Variants in MROH2A observed in about 807,000 individuals in gnomAD.
The protein encoded by MROH2A is maestro heat-like repeat-containing protein family member 2A.
A neutral mutation model predicts 200.4 loss-of-function variants in MROH2A; 174 were observed. That is an observed-to-expected ratio of 0.87 (90% CI 0.77 to 0.98). MROH2A has a LOEUF of 0.98. MROH2A is among the 50% of genes least tolerant of loss of function. MROH2A has a pLI of 0.00. For synonymous variants in MROH2A, 829 were observed against 840.4 expected, an observed-to-expected ratio of 0.99 and a Z score of 0.23; for missense variants, 2,045 against 2,139.6, an observed-to-expected ratio of 0.96 and a Z score of 0.87.
intron 24 of MROH2A, among the ~76,000 whole-genome samples, chr2:233,813,457 G>A (rs1703308920): frequency 6.6e-6 from 1 of 152,230 alleles, no homozygotes; most frequent in African/African-American, 2.4e-5. Flanking sequence ...TTGGACCCCT[G>A]CATCTCCCCT....
At chr2:233,790,427 T>C in intron 5 of MROH2A, among the ~76,000 whole-genome samples, 1 of 98,654 alleles carries the variant, frequency 1.0e-5, no homozygotes, top group Non-Finnish European at 2.0e-5. Context: ...TCCCCTTTTC[T>C]TCTCTCCTTC....
chr2:233,803,527 G>C, intron 16 of MROH2A, 39 bp downstream of exon 16: 1 of 1,548,334 alleles, frequency 6.5e-7, no homozygotes, highest in South Asian at 1.2e-5. Flanking sequence ...GCCTGGCAAG[G>C]CCATGCCCTG....
chr2:233,782,260 T>A lies in MROH2A; in HGVS notation c.276+2408T>A, dbSNP rs369960690. Among the ~76,000 whole-genome samples, 17 of 152,350 alleles carry A rather than the reference T, an allele frequency of 1.1e-4. 1 individual carries two copies. The East Asian group carries it at 2.1e-3, about 19-fold the overall frequency. ...GTAAAGAATGTCATTGGTATTTTGA[T>A]AGAGATTTCAATGAATCTCTAAATT... is the stretch of plus-strand genomic sequence containing the variant. On this transcript the variant is annotated intron_variant, in intron 3 of 41. Coordinates refer to ENST00000389758, the MANE Select transcript of MROH2A (RefSeq NM_001394639.1).
chr2:233,793,030 C>A (rs1479222674), intron 6 of MROH2A, 136 bp downstream of exon 6: 1 of 886,476 alleles, frequency 1.1e-6, no homozygotes, highest in Non-Finnish European at 1.7e-6. Context: ...TTTGCTTAAT[C>A]TTTTACTTCG....
intron 15 of MROH2A, among the ~76,000 whole-genome samples, chr2:233,803,112 A>G (rs567055179): frequency 6.6e-6 from 1 of 152,252 alleles, no homozygotes; most frequent in African/African-American, 2.4e-5. Context: ...GCAGTGTCTA[A>G]TTACTTTTGG....
intron 19 of MROH2A, among the ~76,000 whole-genome samples, chr2:233,805,684 A>G (rs1702748654): frequency 6.6e-6 from 1 of 152,238 alleles, no homozygotes; most frequent in Admixed American, 6.5e-5. Flanking sequence ...CTCCTTACAC[A>G]ATTGCAGTAA....
chr2:233,829,638 C>G lies in MROH2A; in HGVS notation c.4465C>G (p.Leu1489Val), dbSNP rs1704577169. 1.9e-5 allele frequency: 27 copies of G among 1,444,502 alleles called. No individual in the cohort carries two copies. The highest frequency in any genetic ancestry group is 2.4e-5 in the Non-Finnish European group (26 of 1,095,684). 89.5% of individuals were successfully genotyped at this position (1,444,502 alleles called of 1,614,324 possible). The part of the protein sequence containing the change: ...FFDNESELLR[L>V]KAFILFGKLA... Reference sequence around the variant, plus strand: ...GCCACAGGAGAGCGAGCTGCTGCGTCTGAAAGCCTTCATCCTCTTTGGAAA... The same window carrying G: ...GCCACAGGAGAGCGAGCTGCTGCGTGTGAAAGCCTTCATCCTCTTTGGAAA... Residue 1489 changes from leucine (L) to valine (V), a missense_variant, in exon 38 of 42, where the codon CTG becomes GTG. By Grantham distance (32) the Leu-to-Val change is conservative. This residue lies in a region of MROH2A where 1,201 missense variants were observed against 1,311.3 expected (regional missense o/e 0.92). Coordinates refer to ENST00000389758, the MANE Select transcript of MROH2A (RefSeq NM_001394639.1).
chr2:233,807,253 G>A lies in MROH2A; in HGVS notation c.2053-170G>A, dbSNP rs991140117. Among the ~76,000 whole-genome samples, 5 of 152,100 alleles carry A rather than the reference G, an allele frequency of 3.3e-5. No homozygotes were observed. Among genetic ancestry groups the A allele is most frequent in the Non-Finnish European group, 1.5e-5 (1 of 68,032 alleles). ...CACTCATTGATTGATGGGCATTTGG[G>A]CTGCTTCCACATTTTTGCACTTGTG... On this transcript the variant is annotated intron_variant, in intron 19 of 41. Coordinates refer to ENST00000389758, the MANE Select transcript of MROH2A (RefSeq NM_001394639.1). The surrounding 1 kb of genome is among the most constrained non-coding windows in gnomAD (Gnocchi z 4.3).
At chr2:233,781,847 T>C (rs949869261) in intron 3 of MROH2A, among the ~76,000 whole-genome samples, 4 of 152,218 alleles carry the variant, frequency 2.6e-5, no homozygotes, top group Non-Finnish European at 5.9e-5. Flanking sequence ...AGTAGTTTCA[T>C]AGTTTCAGGT....
intron 3 of MROH2A, among the ~76,000 whole-genome samples, chr2:233,783,621 C>T (rs1202214228): frequency 6.6e-6 from 1 of 152,174 alleles, no homozygotes; most frequent in Non-Finnish European, 1.5e-5. Flanking sequence ...TCTTGGCTCA[C>T]TGCAACCTCT....
chr2:233,794,289 G>A, intron 7 of MROH2A, 74 bp from the exon 8 acceptor site: 2 of 1,118,922 alleles, frequency 1.8e-6, no homozygotes, highest in Admixed American at 4.3e-5. Context: ...TGGATTCTGT[G>A]GCTGGGGCTG....
intron 6 of MROH2A, 48 bp downstream of exon 6, chr2:233,792,942 G>C: frequency 2.0e-6 from 3 of 1,532,164 alleles, no homozygotes; most frequent in Non-Finnish European, 2.6e-6. Flanking sequence ...CAGGGCGCCG[G>C]AGGGAGACTG....
rs1703568599 is a variant in MROH2A at position 233,816,844 on chromosome 2, C to T, written c.2920C>T (p.Leu974Phe). 6.5e-7 allele frequency: 1 copy of T among 1,550,352 alleles called. No individual in the cohort carries two copies. Among genetic ancestry groups the T allele is most frequent in the African/African-American group, 1.4e-5 (1 of 73,184 alleles). Residue 974 changes from leucine (L) to phenylalanine (F), a missense_variant, in exon 27 of 42, where the codon CTC (leucine) becomes TTC (phenylalanine). This residue lies in a region of MROH2A where 1,201 missense variants were observed against 1,311.3 expected (regional missense o/e 0.92). Coordinates refer to ENST00000389758, the MANE Select transcript of MROH2A (RefSeq NM_001394639.1). ...WEREKAVSLH[L>F]YLMWIYVHST... is the part of the protein sequence containing the mutation. ...GCGGGAAAAGGCCGTGAGCCTCCAT[C>T]TCTATCTCATGTGGATTTATGTCCA...
intron 3 of MROH2A, among the ~76,000 whole-genome samples, chr2:233,786,997 C>T (rs1410142857): frequency 6.6e-6 from 1 of 152,094 alleles, no homozygotes; most frequent in Non-Finnish European, 1.5e-5. Context: ...TAGGATTTAA[C>T]TTTTTTCCCT....
Position 233,819,937 on chromosome 2 carries a change from G to A in MROH2A, c.3393G>A (p.Leu1131=), listed in dbSNP as rs1206828824. The A allele has an allele frequency of 2.0e-6, 3 of 1,534,738 alleles. No individual in the cohort carries two copies. Among genetic ancestry groups the A allele is most frequent in the Middle Eastern group, 1.7e-4 (1 of 5,950 alleles). The change falls in exon 31 of 42, where the codon CTG becomes CTA. Residue 1131 remains leucine, a synonymous_variant. Transcript: ENST00000389758. Reference sequence around the variant, plus strand: ...TCCTGAGTGCCATCCTGGTGCACCTGCCGGTGGTGGACCACCCAGAGGTGC... The same window carrying A: ...TCCTGAGTGCCATCCTGGTGCACCTACCGGTGGTGGACCACCCAGAGGTGC... The part of the protein sequence containing the change: ...AEILSAILVH[L]PVVDHPEVRR...
chr2:233,792,565 G>A (rs747714259), intron 5 of MROH2A, among the ~76,000 whole-genome samples: 29 of 152,022 alleles, frequency 1.9e-4, no homozygotes, highest in East Asian at 7.7e-4. Flanking sequence ...CGCCCACCTT[G>A]GCCTCCCAAA....
At chr2:233,799,442 C>T (rs1440484371) in intron 12 of MROH2A, among the ~76,000 whole-genome samples, 4 of 152,158 alleles carry the variant, frequency 2.6e-5, no homozygotes, top group South Asian at 2.1e-4. Context: ...GCATCTCCTT[C>T]ACATAGTGAT....
intron 35 of MROH2A, among the ~76,000 whole-genome samples, chr2:233,824,489 G>T (rs1031356105): frequency 2.0e-5 from 3 of 152,184 alleles, no homozygotes; most frequent in South Asian, 2.1e-4. Flanking sequence ...GTGCTCCCTC[G>T]TTGTCTCACC....
intron 21 of MROH2A, 147 bp from the exon 22 acceptor site, chr2:233,808,979 T>C (rs970446364): frequency 2.2e-4 from 184 of 820,240 alleles, no homozygotes; most frequent in Non-Finnish European, 2.9e-4. Context: ...GAAAATACGA[T>C]GAACATTTCA....
Sources: allele counts gnomAD v4.1 joint callset (sites outside exome capture counted in the v4.1 genomes callset), GRCh38; gene constraint gnomAD v4.1.1; regional missense constraint gnomAD v4.1.1; non-coding constraint Gnocchi (gnomAD v3.1); transcripts MANE v1.5; gene names NCBI Gene and HGNC (gene_info 2026-07-23, HGNC 2026-07-21).